The following ZDHHC21 variants were observed in gnomAD, a reference collection of about 807,000 sequenced individuals.
The protein encoded by ZDHHC21 is palmitoyltransferase ZDHHC21.
ZDHHC21 carries 15 observed loss-of-function variants against 34.6 expected under a neutral mutation model. The ratio of observed to expected loss-of-function variants is 0.43; its 90% CI spans 0.29 to 0.67. The LOEUF is 0.67. Among genes scored for constraint, ZDHHC21 ranks in the 30% least tolerant of loss-of-function variants. The probability of loss-of-function intolerance (pLI) is 0.14; values close to 1 mark genes in which losing one functional copy is unlikely to be tolerated. For missense variants in ZDHHC21, 344 were observed against 327.7 expected (o/e 1.05, Z -0.38); for synonymous variants, 142 against 101.8 (o/e 1.40, Z -2.38).
intron 8 of ZDHHC21, 82 bp from the exon 9 acceptor site, chr9:14,619,764 C>T: frequency 1.2e-6 from 1 of 809,740 alleles, no homozygotes; most frequent in Non-Finnish European, 1.8e-6. Context: ...TGTTTTTAAT[C>T]TTATTCCAAA....
intron 4 of ZDHHC21, among the ~76,000 whole-genome samples, chr9:14,673,582 C>G (rs1835851190): frequency 6.7e-6 from 1 of 149,702 alleles, no homozygotes; most frequent in South Asian, 2.1e-4. Context: ...GTGCTCAATC[C>G]AGGACTGACT....
chr9:14,602,205 T>TA, the ZDHHC21 span, among the ~76,000 whole-genome samples: 2 of 151,090 alleles, frequency 1.3e-5, no homozygotes, highest in African/African-American at 4.9e-5. Flanking sequence ...ATGAATGAAA[T>TA]AAAAAAATTC....
At chr9:14,658,105 C>G (rs1268103464) in intron 7 of ZDHHC21, among the ~76,000 whole-genome samples, 1 of 152,078 alleles carries the variant, frequency 6.6e-6, no homozygotes, top group Admixed American at 6.5e-5. Flanking sequence ...TATTTGAGAA[C>G]CTTTAAAAAT....
At chr9:14,630,710 G>A (rs555430584) in intron 8 of ZDHHC21, among the ~76,000 whole-genome samples, 1 of 152,318 alleles carries the variant, frequency 6.6e-6, no homozygotes, top group South Asian at 2.1e-4. Flanking sequence ...TCCATGGCAT[G>A]CATAAGGGGT....
the ZDHHC21 span, among the ~76,000 whole-genome samples, chr9:14,601,629 A>G: frequency 6.6e-6 from 1 of 152,242 alleles, no homozygotes; most frequent in East Asian, 1.9e-4. Flanking sequence ...CATTTAACCC[A>G]GCAATCCCAT....
At chr9:14,657,299 A>C (rs1832423952) in intron 7 of ZDHHC21, among the ~76,000 whole-genome samples, 1 of 152,120 alleles carries the variant, frequency 6.6e-6, no homozygotes, top group African/African-American at 2.4e-5. Context: ...ATGTAACATA[A>C]ATTGAATGTC....
intron 7 of ZDHHC21, among the ~76,000 whole-genome samples, chr9:14,640,958 T>A (rs73644815): frequency 2.0e-5 from 3 of 152,200 alleles, no homozygotes; most frequent in African/African-American, 7.2e-5. Flanking sequence ...CTAAGACTTC[T>A]CCTGGAAATC....
the ZDHHC21 span, chr9:14,589,174 C>G: frequency 6.6e-6 from 1 of 152,090 alleles, no homozygotes; most frequent in African/African-American, 2.4e-5. Flanking sequence ...TGTACTTCTC[C>G]GTGCCCTCTC....
In ZDHHC21 at chr9:14,612,911, C is replaced by A. The variant is rs1823566202; in HGVS notation, c.*6055G>T. On this transcript the variant is annotated 3_prime_UTR_variant, in exon 10 of 10. Coordinates refer to ENST00000380916, the MANE Select transcript of ZDHHC21 (RefSeq NM_178566.6). ...AACTCGATTTGTAATGAGAACGAAC[C>A]TTAACTCTTCATCTTAGTATTTTGT... is the stretch of plus-strand genomic sequence containing the variant. 2 of 149,928 alleles carry A rather than the reference C, an allele frequency of 1.3e-5. No individual in the cohort carries two copies. Among genetic ancestry groups the A allele is most frequent in the Non-Finnish European group, 1.5e-5 (1 of 67,384 alleles). The allele number at this position is 149,928 out of a possible 1,614,324, so 9.3% of individuals were successfully genotyped here. A position where few individuals can be genotyped will look rare whatever the true frequency, so the allele number is the denominator to read the frequency against.
chr9:14,593,784 T>A, the ZDHHC21 span: 1 of 152,656 alleles, frequency 6.6e-6, no homozygotes, highest in Non-Finnish European at 1.5e-5. Context: ...TCCTACAGAT[T>A]CAAGAGAGAT....
intron 8 of ZDHHC21, among the ~76,000 whole-genome samples, chr9:14,621,594 C>T (rs1235622626): frequency 6.6e-6 from 1 of 152,052 alleles, no homozygotes; most frequent in African/African-American, 2.4e-5. Flanking sequence ...CCCAAATAGG[C>T]TATTTTTTTT....
intron 3 of ZDHHC21, 39 bp from the exon 4 acceptor site, chr9:14,674,424 A>G: frequency 7.2e-7 from 1 of 1,383,306 alleles, no homozygotes; most frequent in Non-Finnish European, 9.7e-7. Flanking sequence ...ACTTACATAG[A>G]AAAATTTGAC....
At chr9:14,681,957 G>T (rs928304161) in intron 2 of ZDHHC21, among the ~76,000 whole-genome samples, 2 of 152,072 alleles carry the variant, frequency 1.3e-5, no homozygotes, top group Admixed American at 6.5e-5. Flanking sequence ...ATAAGTGAAG[G>T]AGAAATAAAA....
chr9:14,638,792 G>A (rs773173033), intron 8 of ZDHHC21, among the ~76,000 whole-genome samples: 4 of 152,000 alleles, frequency 2.6e-5, no homozygotes, highest in Non-Finnish European at 1.5e-5. Context: ...ACAGGGAAAT[G>A]CAAGTCAAAA....
intron 8 of ZDHHC21, among the ~76,000 whole-genome samples, chr9:14,639,435 T>C (rs566788577): frequency 1.3e-5 from 2 of 152,118 alleles, no homozygotes; most frequent in East Asian, 3.9e-4. Flanking sequence ...GTTATAATGC[T>C]CAGTAGCACA....
intron 7 of ZDHHC21, among the ~76,000 whole-genome samples, chr9:14,650,328 C>A (rs1351068280): frequency 6.6e-6 from 1 of 151,758 alleles, no homozygotes; most frequent in Non-Finnish European, 1.5e-5. Context: ...ACAAAAAAGC[C>A]AAATTACTTT....
the ZDHHC21 span, among the ~76,000 whole-genome samples, chr9:14,603,210 T>C: frequency 9.9e-5 from 15 of 152,176 alleles, 1 homozygote; most frequent in African/African-American, 3.6e-4. Context: ...CTCAATAAAG[T>C]GAACTTTAAA....
intron 2 of ZDHHC21, among the ~76,000 whole-genome samples, chr9:14,684,296 G>GA (rs1277636905): frequency 2.0e-5 from 3 of 151,854 alleles, no homozygotes; most frequent in Non-Finnish European, 4.4e-5. Context: ...TGTGTATTTA[G>GA]AAAACCCCAT....
chr9:14,663,912 T>C (rs1355299979), intron 5 of ZDHHC21, among the ~76,000 whole-genome samples: 1 of 152,186 alleles, frequency 6.6e-6, no homozygotes, highest in Non-Finnish European at 1.5e-5. Context: ...CTATAGCATA[T>C]TACAATGTCA....
Sources: gnomAD v4.1 joint callset for allele counts (sites outside exome capture counted in the v4.1 genomes callset) on GRCh38, gnomAD v4.1.1 for gene constraint, MANE v1.5 for transcripts, NCBI Gene and HGNC (gene_info 2026-07-23, HGNC 2026-07-21) for gene names.